The following UBE2G1 variants were observed in gnomAD, a reference collection of about 807,000 sequenced individuals.
The protein encoded by UBE2G1 is ubiquitin-conjugating enzyme E2 G1.
In UBE2G1, 5 loss-of-function variants were observed where a neutral mutation model predicts 22.7. That is an observed-to-expected ratio of 0.22 (90% confidence interval 0.12 to 0.46). UBE2G1 has a LOEUF of 0.46. UBE2G1 is among the 20% of genes least tolerant of loss of function. The pLI is 0.99. For synonymous variants in UBE2G1, 74 were observed against 67.5 expected, an observed-to-expected ratio of 1.10 and a Z score of -0.47; for missense variants, 88 against 203.9, an observed-to-expected ratio of 0.43 and a Z score of 3.46.
At chr17:4,350,749 G>A (rs1439726651) in intron 1 of UBE2G1, among the ~76,000 whole-genome samples, 1 of 152,140 alleles carries the variant, frequency 6.6e-6, no homozygotes, top group Middle Eastern at 3.4e-3. Flanking sequence ...AAAATAGTAT[G>A]AGGCTGGACG....
At chr17:4,319,558 G>A (rs1224376639) in intron 1 of UBE2G1, among the ~76,000 whole-genome samples, 2 of 152,118 alleles carry the variant, frequency 1.3e-5, no homozygotes, top group Non-Finnish European at 2.9e-5. Flanking sequence ...AACACAGGGA[G>A]ACACCACCTC....
chr17:4,320,236 G>A (rs1299457506), intron 1 of UBE2G1, among the ~76,000 whole-genome samples: 1 of 151,980 alleles, frequency 6.6e-6, no homozygotes, highest in African/African-American at 2.4e-5. Context: ...AAGGGAGAGA[G>A]GTACTAAGGA....
chr17:4,335,660 G>T (rs925457222), intron 1 of UBE2G1, among the ~76,000 whole-genome samples: 1 of 152,070 alleles, frequency 6.6e-6, no homozygotes, highest in African/African-American at 2.4e-5. Context: ...TTGTCTATCT[G>T]AAATCAGCAT....
chr17:4,364,279 A>T (rs1228046542), intron 1 of UBE2G1: 5 of 140,866 alleles, frequency 3.5e-5, no homozygotes, highest in Admixed American at 1.5e-4. Flanking sequence ...AAAAAAAAAA[A>T]ATGCAATAAA....
chr17:4,365,625 G>C (rs898996543), intron 1 of UBE2G1, among the ~76,000 whole-genome samples: 3 of 152,046 alleles, frequency 2.0e-5, no homozygotes, highest in African/African-American at 7.2e-5. Flanking sequence ...TCCCCCAGCC[G>C]GGCGGCGCAG....
intron 1 of UBE2G1, chr17:4,335,129 G>A (rs1044841948): frequency 5.9e-5 from 9 of 152,068 alleles, no homozygotes; most frequent in African/African-American, 2.2e-4. Context: ...GATGTTTCTT[G>A]AGTAAAGAAA....
At chr17:4,282,385 A>G (rs1968904835) in intron 5 of UBE2G1, among the ~76,000 whole-genome samples, 1 of 152,222 alleles carries the variant, frequency 6.6e-6, no homozygotes, top group African/African-American at 2.4e-5. Context: ...GCCTGGCCAG[A>G]AGACCAACCT....
chr17:4,316,364 A>T (rs944093813), intron 1 of UBE2G1, among the ~76,000 whole-genome samples: 10 of 152,272 alleles, frequency 6.6e-5, no homozygotes, highest in African/African-American at 2.4e-4. Context: ...ACAGTACATA[A>T]TTACTCCTAA....
intron 1 of UBE2G1, among the ~76,000 whole-genome samples, chr17:4,311,661 G>C (rs987143595): frequency 5.3e-5 from 8 of 152,184 alleles, no homozygotes; most frequent in Non-Finnish European, 7.3e-5. Flanking sequence ...GGGGTATAGG[G>C]ATGGCGATTT....
chr17:4,358,532 G>C (rs1398206736), intron 1 of UBE2G1, among the ~76,000 whole-genome samples: 1 of 151,926 alleles, frequency 6.6e-6, no homozygotes, highest in Non-Finnish European at 1.5e-5. Flanking sequence ...ATTTGCAAAT[G>C]TTCTTCCAGT....
chr17:4,276,686 TGA>T (rs140517075), intron 5 of UBE2G1, among the ~76,000 whole-genome samples: 202 of 152,310 alleles, frequency 1.3e-3, no homozygotes, highest in African/African-American at 4.8e-3. Flanking sequence ...CTTACTGTGC[TGA>T]GTTACGCAAT....
intron 2 of UBE2G1, among the ~76,000 whole-genome samples, chr17:4,300,129 C>T (rs1450504850): frequency 2.6e-5 from 4 of 151,282 alleles, no homozygotes; most frequent in South Asian, 2.1e-4. Context: ...CCAACTTGTG[C>T]GTGCAAACTT....
intron 5 of UBE2G1, among the ~76,000 whole-genome samples, chr17:4,281,967 C>T (rs1968897794): frequency 6.6e-6 from 1 of 152,116 alleles, no homozygotes; most frequent in African/African-American, 2.4e-5. Context: ...ATCTTTGACT[C>T]CTTTCTAGAC....
rs1340414900 is a variant in UBE2G1, at chr17:4,294,433, AAAAAAAAGAAAGAAAC to A, written c.247+2268_247+2283del. Among the ~76,000 whole-genome samples, 309 of 137,622 alleles carry A rather than the reference AAAAAAAAGAAAGAAAC, an allele frequency of 2.2e-3. 9 individuals carry two copies. Among genetic ancestry groups the A allele is most frequent in the African/African-American group, 7.4e-3 (256 of 34,762 alleles). The allele number at this position is 137,622 out of a possible 152,430, so 90.3% of individuals were successfully genotyped here. A position where few individuals can be genotyped will look rare whatever the true frequency, so the allele number is the denominator to read the frequency against. ...TCCGTCTCAAAAAAAAAAAAAAAAA[AAAAAAAAGAAAGAAAC>A]GAAAAGAAAAGAAAAGAAAAAAAAG... is the stretch of plus-strand genomic sequence containing the variant. On this transcript the variant is annotated intron_variant, in intron 3 of 5. Transcript: ENST00000396981.
intron 1 of UBE2G1, among the ~76,000 whole-genome samples, chr17:4,344,668 G>C (rs1273431738): frequency 6.6e-6 from 1 of 151,782 alleles, no homozygotes; most frequent in Non-Finnish European, 1.5e-5. Context: ...GCAACACAAT[G>C]AGAAACCCCC....
At chr17:4,306,511 A>C (rs1969250739) in intron 2 of UBE2G1, among the ~76,000 whole-genome samples, 1 of 152,152 alleles carries the variant, frequency 6.6e-6, no homozygotes, top group Non-Finnish European at 1.5e-5. Context: ...TTTTAATAGC[A>C]ATAGGTCTTA....
rs1479484033 is a variant in UBE2G1 at position 4,270,144 on chromosome 17, A to C, written c.*2410T>G. 1 of 152,582 alleles carries C rather than the reference A, an allele frequency of 6.6e-6. No homozygotes were observed. The highest frequency in any genetic ancestry group is 2.4e-5 in the African/African-American group (1 of 41,444). 9.5% of individuals were successfully genotyped at this position (152,582 alleles called of 1,614,324 possible). ...ACTCCCGTAGAGCTAGCCCTAAAAA[A>C]AAAACCCACATGGTTTTATCAAACT... On this transcript the variant is annotated 3_prime_UTR_variant, in exon 6 of 6. Coordinates refer to ENST00000396981, the MANE Select transcript of UBE2G1 (RefSeq NM_003342.5).
intron 3 of UBE2G1, among the ~76,000 whole-genome samples, chr17:4,290,012 A>G (rs1018668285): frequency 6.6e-5 from 10 of 152,358 alleles, no homozygotes; most frequent in Non-Finnish European, 1.5e-4. Context: ...TCCTTTCTAT[A>G]AACACATTTA....
At chr17:4,337,524 A>G (rs1969663230) in intron 1 of UBE2G1, among the ~76,000 whole-genome samples, 1 of 151,574 alleles carries the variant, frequency 6.6e-6, no homozygotes, top group Non-Finnish European at 1.5e-5. Flanking sequence ...GCGGTGGCGC[A>G]TGCCTGTAAT....
Sources: allele counts gnomAD v4.1 joint callset (sites outside exome capture counted in the v4.1 genomes callset), GRCh38; gene constraint gnomAD v4.1.1; transcripts MANE v1.5; gene names NCBI Gene and HGNC (gene_info 2026-07-23, HGNC 2026-07-21).